PHKA1: variants seen among roughly 807,000 people sequenced by gnomAD.
PHKA1 encodes the protein phosphorylase kinase regulatory subunit alpha 1.
Under a neutral mutation model 110.2 loss-of-function variants are expected in PHKA1, and 60 were observed. The ratio of observed to expected loss-of-function variants is 0.54; its 90% CI spans 0.44 to 0.68. The LOEUF (loss-of-function observed/expected upper bound fraction) is 0.68, where lower values mean the gene tolerates loss of function less well. Among genes scored for constraint, PHKA1 ranks in the 30% least tolerant of loss-of-function variants. The probability of loss-of-function intolerance (pLI) is 0.00; values close to 1 mark genes in which losing one functional copy is unlikely to be tolerated. For synonymous variants in PHKA1, 316 were observed against 333.6 expected, an observed-to-expected ratio of 0.95 and a Z score of 0.58; for missense variants, 801 against 942.5, an observed-to-expected ratio of 0.85 and a Z score of 1.97.
intron 20 of PHKA1, 23 bp downstream of exon 20, chrX:72,619,191 A>G (rs1460745034): frequency 2.0e-6 from 2 of 996,940 alleles, no homozygotes; most frequent in Non-Finnish European, 2.9e-6. Context: ...AAGCTAATAG[A>G]AATACCTCCT....
intron 22 of PHKA1, among the ~76,000 whole-genome samples, chrX:72,610,075 A>AT (rs2052786179): frequency 9.0e-6 from 1 of 111,476 alleles, no homozygotes; most frequent in Non-Finnish European, 1.9e-5. Flanking sequence ...AACCTGGGTA[A>AT]TTGAGACATC....
intron 16 of PHKA1, among the ~76,000 whole-genome samples, chrX:72,633,438 C>T (rs1363658175): frequency 9.0e-6 from 1 of 111,683 alleles, no homozygotes; most frequent in East Asian, 2.8e-4. Context: ...CCAAACCTGT[C>T]AGCACCTTGA....
In PHKA1 at chrX:72,609,720, T is replaced by C. The variant is rs1005338769; in HGVS notation, c.2527-17A>G. On this transcript the variant is annotated splice_polypyrimidine_tract_variant and intron_variant, in intron 22 of 31. Coordinates refer to ENST00000373542, the MANE Select transcript of PHKA1 (RefSeq NM_002637.4). ...TGTGCAGGCCTAACAAGAGATAGCA[T>C]AATATTATCGTTTCTGTAACACCTC... 2.7e-6 allele frequency: 3 copies of C among 1,127,538 alleles called. No individual in the cohort carries two copies. The East Asian group carries it at 9.0e-5, about 34-fold the overall frequency. The allele number at this position is 1,127,538 out of a possible 1,213,427, so 92.9% of individuals were successfully genotyped here.
intron 29 of PHKA1, among the ~76,000 whole-genome samples, chrX:72,587,039 C>T (rs1257383812): frequency 9.0e-6 from 1 of 111,129 alleles, no homozygotes; most frequent in Non-Finnish European, 1.9e-5. Context: ...CTTCCCCAAA[C>T]TAGCAAGGCA....
At position 72,712,872 on chromosome X, in the gene PHKA1, C is replaced by T. The variant is rs2054404158; in HGVS notation, c.144G>A (p.Val48=). The T allele has an allele frequency of 8.3e-7, 1 of 1,210,319 alleles. No individual in the cohort carries two copies. The highest frequency in any genetic ancestry group is 1.8e-5 in the South Asian group (1 of 56,858). ...DQKDAWVRDN[V]YSILAVWGLG... ...AACCCCACACAGCCAAGATGCTGTA[C>T]ACATTATCTCGGACCCAAGCATCTT... The change falls in exon 2 of 32, where the codon GTG becomes GTA. Residue 48 remains valine, a synonymous_variant. Transcript: ENST00000373542.
intron 28 of PHKA1, among the ~76,000 whole-genome samples, chrX:72,599,643 C>T (rs782608068): frequency 1.1e-3 from 125 of 111,621 alleles, no homozygotes; most frequent in African/African-American, 4.0e-3. Flanking sequence ...ACTCCCTTCC[C>T]TATGTTATTG....
chrX:72,581,852 G>A (rs985165051), intron 31 of PHKA1, among the ~76,000 whole-genome samples: 1 of 111,763 alleles, frequency 8.9e-6, no homozygotes, highest in African/African-American at 3.3e-5. Flanking sequence ...CTGTTAATAC[G>A]GGCAACATTT....
intron 14 of PHKA1, among the ~76,000 whole-genome samples, chrX:72,643,401 T>C (rs1298343829): frequency 8.9e-6 from 1 of 111,794 alleles, no homozygotes; most frequent in Non-Finnish European, 1.9e-5. Context: ...TATAACAAAT[T>C]ACCACAAACT....
chrX:72,694,995 G>A (rs782306257), intron 4 of PHKA1, among the ~76,000 whole-genome samples: 2 of 111,595 alleles, frequency 1.8e-5, no homozygotes, highest in Admixed American at 9.6e-5. Context: ...TCTGAGCTGT[G>A]TGTTTTAGAG....
rs150631317 is a variant in PHKA1, at chrX:72,635,511, T to C, written c.1570-212A>G. 0.047 allele frequency among the ~76,000 whole-genome samples: 5,214 copies of C among 111,578 alleles called. 116 individuals carry two copies. Among genetic ancestry groups the C allele is most frequent in the Middle Eastern group, 0.11 (24 of 216 alleles). On this transcript the variant is annotated intron_variant, in intron 15 of 31. Coordinates refer to ENST00000373542, the MANE Select transcript of PHKA1 (RefSeq NM_002637.4). ...TTACGGTATGCTGCAGTTTACGAAG[T>C]ATTTTTAAGTATATAATTTTATTTA...
intron 5 of PHKA1, among the ~76,000 whole-genome samples, chrX:72,679,349 C>T (rs2053815591): frequency 9.2e-6 from 1 of 108,186 alleles, no homozygotes; most frequent in Non-Finnish European, 1.9e-5. Flanking sequence ...GAACAAAGCT[C>T]GGGAATATTT....
At chrX:72,627,811 C>CTTTTTT (rs1160541868) in intron 16 of PHKA1, among the ~76,000 whole-genome samples, 11 of 67,859 alleles carry the variant, frequency 1.6e-4, no homozygotes, top group African/African-American at 2.9e-4. Flanking sequence ...TTTTCCTACA[C>CTTTTTT]TTTTTTTTTT....
intron 29 of PHKA1, among the ~76,000 whole-genome samples, chrX:72,586,038 C>T (rs895930514): frequency 8.9e-6 from 1 of 112,496 alleles, no homozygotes; most frequent in Non-Finnish European, 1.9e-5. Context: ...CAGACTTGAA[C>T]GTCCCTGTCT....
intron 18 of PHKA1, chrX:72,622,047 G>T: frequency 1.3e-6 from 1 of 745,589 alleles, no homozygotes; most frequent in Non-Finnish European, 1.6e-6. Context: ...AATTTTCAAA[G>T]TATTTTATGC....
chrX:72,617,394 C>T (rs1387344925), intron 21 of PHKA1, among the ~76,000 whole-genome samples: 1 of 110,913 alleles, frequency 9.0e-6, no homozygotes, highest in Non-Finnish European at 1.9e-5. Flanking sequence ...GTGGCACGCA[C>T]CTGTGGTACC....
intron 2 of PHKA1, among the ~76,000 whole-genome samples, chrX:72,710,091 G>GT (rs1306346141): frequency 9.4e-6 from 1 of 106,751 alleles, no homozygotes; most frequent in Admixed American, 1.0e-4. Flanking sequence ...GTCAGAGTTT[G>GT]GAACCACTCA....
chrX:72,699,809 G>A lies in PHKA1; in HGVS notation c.286-3933C>T, dbSNP rs184992347. ...CCATGGAAGATGCCAATCAAAATAAGCTGCATTCCTGAAATACAGGGCAAA... is the reference window on the plus strand; with the variant it reads ...CCATGGAAGATGCCAATCAAAATAAACTGCATTCCTGAAATACAGGGCAAA... On this transcript the variant is annotated intron_variant, in intron 3 of 31. Coordinates refer to ENST00000373542, the MANE Select transcript of PHKA1 (RefSeq NM_002637.4). 3.1e-3 allele frequency among the ~76,000 whole-genome samples: 345 copies of A among 111,322 alleles called. 1 individual carries two copies. The highest frequency in any genetic ancestry group is 0.011 in the African/African-American group (336 of 30,666).
intron 22 of PHKA1, 30 bp downstream of exon 22, chrX:72,610,998 A>T: frequency 8.7e-7 from 1 of 1,142,990 alleles, no homozygotes; most frequent in Non-Finnish European, 1.2e-6. Flanking sequence ...GCTTATTTAG[A>T]TTTGGTATAA....
At chrX:72,658,169 A>T in intron 8 of PHKA1, among the ~76,000 whole-genome samples, 1 of 112,214 alleles carries the variant, frequency 8.9e-6, no homozygotes, top group Non-Finnish European at 1.9e-5. Context: ...CTAAAAAATT[A>T]ACCTTGGTGG....
Sources: gnomAD v4.1 joint callset for allele counts (sites outside exome capture counted in the v4.1 genomes callset) on GRCh38, gnomAD v4.1.1 for gene constraint, MANE v1.5 for transcripts, NCBI Gene and HGNC (gene_info 2026-07-23, HGNC 2026-07-21) for gene names.